MAPK8IP1: variants seen among roughly 807,000 people sequenced by gnomAD.
MAPK8IP1 encodes mitogen-activated protein kinase 8 interacting protein 1.
Under a neutral mutation model 72.6 loss-of-function variants are expected in MAPK8IP1, and 17 were observed. The ratio of observed to expected loss-of-function variants is 0.23; its 90% CI spans 0.16 to 0.35. MAPK8IP1 has a LOEUF of 0.35. MAPK8IP1 is among the 10% of genes least tolerant of loss of function. MAPK8IP1 has a pLI of 1.00. For missense variants in MAPK8IP1, 789 were observed against 1,009.7 expected (o/e 0.78, Z 2.96); for synonymous variants, 401 against 443.4 (o/e 0.90, Z 1.20).
intron 11 of MAPK8IP1, 38 bp downstream of exon 11, chr11:45,905,287 G>C: frequency 6.4e-7 from 1 of 1,572,996 alleles, no homozygotes; most frequent in Non-Finnish European, 8.7e-7. Context: ...GCCCGAGGGA[G>C]CACGCCCAAT....
In MAPK8IP1 at chr11:45,900,168, G is replaced by C; in HGVS notation, c.238G>C (p.Gly80Arg). The C allele has an allele frequency of 7.6e-7, 1 of 1,309,732 alleles. No individual in the cohort carries two copies. Among genetic ancestry groups the C allele is most frequent in the Non-Finnish European group, 9.6e-7 (1 of 1,036,320 alleles). The allele number at this position is 1,309,732 out of a possible 1,614,324, so 81.1% of individuals were successfully genotyped here. A position where few individuals can be genotyped will look rare whatever the true frequency, so the allele number is the denominator to read the frequency against. Reference protein sequence around the residue: ...PPRAGLLSAGGGGAGSRLQAE... With the variant: ...PPRAGLLSAGRGGAGSRLQAE... ...GCGCGCCGGGCTGCTCTCTGCGGGC[G>C]GCGGCGGCGCGGGGAGCCGGTTGCA... The change falls in exon 3 of 12, where the codon GGC becomes CGC. Residue 80 changes from glycine (G) to arginine (R), a missense_variant. Gly to Arg is a moderately radical substitution (Grantham distance 125, BLOSUM62 -2). Coordinates refer to ENST00000241014, the MANE Select transcript of MAPK8IP1 (RefSeq NM_005456.4). The surrounding 1 kb of genome is among the most constrained non-coding windows in gnomAD (Gnocchi z 6.5).
At chr11:45,897,095 G>T (rs2086614206) in intron 1 of MAPK8IP1, 1 of 830,202 alleles carries the variant, frequency 1.2e-6, no homozygotes, top group South Asian at 1.6e-5. Flanking sequence ...TCTCTCCTGG[G>T]TGACCTTGAA....
Position 45,904,329 on chromosome 11 carries a change from C to G in MAPK8IP1, c.1667-126C>G, listed in dbSNP as rs2086684895. 1.7e-6 allele frequency: 2 copies of G among 1,183,910 alleles called. No homozygotes were observed. Among genetic ancestry groups the G allele is most frequent in the Non-Finnish European group, 2.5e-6 (2 of 811,172 alleles). The allele number at this position is 1,183,910 out of a possible 1,614,324, so 73.3% of individuals were successfully genotyped here. ...CAAAGTGAGGCCCGGCCAAGTTGGG[C>G]AGCCAGGGATTGTGGCAGCCTCTGT... On this transcript the variant is annotated intron_variant, in intron 7 of 11. Transcript: ENST00000241014. The surrounding 1 kb of genome is among the most constrained non-coding windows in gnomAD (Gnocchi z 6.4).
chr11:45,903,390 C>T lies in MAPK8IP1; in HGVS notation c.1443C>T (p.Ser481=), dbSNP rs965212258. 4 of 1,613,620 alleles carry T rather than the reference C, an allele frequency of 2.5e-6. No individual in the cohort carries two copies. Among genetic ancestry groups the T allele is most frequent in the Non-Finnish European group, 2.5e-6 (3 of 1,180,028 alleles). The change falls in exon 6 of 12, where the codon TCC becomes TCT. Residue 481 remains serine, a synonymous_variant. Transcript: ENST00000241014. This position sits in a 1 kb window ranked among gnomAD's most constrained non-coding sequence, Gnocchi z 6.4. ...GTGCTGAGTCCTTCGGGCTGTTCTC[C>T]TGCATCATCAACGGGGAGGAGCAGG... ...SSSAESFGLF[S]CIINGEEQEQ... is the part of the protein sequence containing the mutation.
At chr11:45,896,603 G>A in intron 1 of MAPK8IP1, 1 of 1,320,682 alleles carries the variant, frequency 7.6e-7, no homozygotes, top group Non-Finnish European at 9.7e-7. Context: ...AGCAGCGCAA[G>A]GGCCAGGCCA....
Position 45,905,586 on chromosome 11 carries a change from C to G in MAPK8IP1, c.2064-63C>G, listed in dbSNP as rs530702093. 3 of 1,455,552 alleles carry G rather than the reference C, an allele frequency of 2.1e-6. No homozygotes were observed. In the Admixed American group the frequency reaches 5.0e-5, roughly 24 times the overall value. 90.2% of individuals were successfully genotyped at this position (1,455,552 alleles called of 1,614,324 possible). A position where few individuals can be genotyped will look rare whatever the true frequency, so the allele number is the denominator to read the frequency against. On this transcript the variant is annotated intron_variant, in intron 11 of 11. Transcript: ENST00000241014. Reference sequence around the variant, plus strand: ...AGGCTCCAGCGGGAAAACCCTGGGTCGGGATCCTGTTCCTCCCTTGCCAGT... The same window carrying G: ...AGGCTCCAGCGGGAAAACCCTGGGTGGGGATCCTGTTCCTCCCTTGCCAGT...
intron 1 of MAPK8IP1, among the ~76,000 whole-genome samples, chr11:45,888,728 T>C (rs1482628536): frequency 6.6e-6 from 1 of 152,040 alleles, no homozygotes; most frequent in African/African-American, 2.4e-5. Flanking sequence ...AGTCTCACTC[T>C]GTCGCCCAGG....
intron 3 of MAPK8IP1, among the ~76,000 whole-genome samples, chr11:45,901,274 G>C (rs2086651389): frequency 1.3e-5 from 2 of 152,094 alleles, no homozygotes; most frequent in Admixed American, 1.3e-4. Context: ...AGGGAGCCCT[G>C]TGTGGGCATT....
chr11:45,903,274 C>A lies in MAPK8IP1; in HGVS notation c.1417+90C>A. 6.3e-7 allele frequency: 1 copy of A among 1,582,656 alleles called. No homozygotes were observed. Among genetic ancestry groups the A allele is most frequent in the Non-Finnish European group, 8.6e-7 (1 of 1,157,792 alleles). On this transcript the variant is annotated intron_variant, in intron 5 of 11. Transcript: ENST00000241014. This position sits in a 1 kb window ranked among gnomAD's most constrained non-coding sequence, Gnocchi z 6.4. ...AGTGTTCTGGGAGGCGACCCCAGGC[C>A]CCATCTGGTTAGGACTGAGGCTTCT...
chr11:45,904,695 G>T lies in MAPK8IP1; in HGVS notation c.1777-23G>T. On this transcript the variant is annotated intron_variant, in intron 8 of 11. Transcript: ENST00000241014. This position sits in a 1 kb window ranked among gnomAD's most constrained non-coding sequence, Gnocchi z 6.4. Reference sequence around the variant, plus strand: ...AGCAGAGGAACAGACAGCAGCTGACGTGGCTCCATTTGTCACCTGTAGATT... The same window carrying T: ...AGCAGAGGAACAGACAGCAGCTGACTTGGCTCCATTTGTCACCTGTAGATT... 1 of 1,611,146 alleles carries T rather than the reference G, an allele frequency of 6.2e-7. No homozygotes were observed. Among genetic ancestry groups the T allele is most frequent in the South Asian group, 1.1e-5 (1 of 91,042 alleles).
chr11:45,904,320 C>A lies in MAPK8IP1; in HGVS notation c.1667-135C>A. The A allele has an allele frequency of 8.4e-7, 1 of 1,183,604 alleles. No individual in the cohort carries two copies. Among genetic ancestry groups the A allele is most frequent in the Non-Finnish European group, 1.2e-6 (1 of 811,642 alleles). 73.3% of individuals were successfully genotyped at this position (1,183,604 alleles called of 1,614,324 possible). ...ACGATCAAGCAAAGTGAGGCCCGGC[C>A]AAGTTGGGCAGCCAGGGATTGTGGC... On this transcript the variant is annotated intron_variant, in intron 7 of 11. Coordinates refer to ENST00000241014, the MANE Select transcript of MAPK8IP1 (RefSeq NM_005456.4). The surrounding 1 kb of genome is among the most constrained non-coding windows in gnomAD (Gnocchi z 6.4).
In MAPK8IP1 at chr11:45,902,798, G is replaced by A. The variant is rs750430855; in HGVS notation, c.1031G>A (p.Arg344Gln). The change falls in exon 5 of 12, where the codon CGG becomes CAG. Residue 344 changes from arginine (R) to glutamine (Q), a missense_variant. Arg to Gln is a conservative substitution (Grantham distance 43). This residue lies in a region of MAPK8IP1 where 377 missense variants were observed against 411.7 expected (regional missense o/e 0.92). Transcript: ENST00000241014. This position sits in a 1 kb window ranked among gnomAD's most constrained non-coding sequence, Gnocchi z 9.3. ...EGFDCLSSPE[R>Q]AEPPGGGWRG... ...TTCGACTGCCTGTCGTCCCCAGAGC[G>A]GGCTGAGCCCCCAGGCGGAGGGTGG... 2.0e-5 allele frequency: 31 copies of A among 1,589,602 alleles called. No individual in the cohort carries two copies. The highest frequency in any genetic ancestry group is 1.7e-4 in the Middle Eastern group (1 of 6,034).
chr11:45,897,881 C>G (rs925337114), intron 1 of MAPK8IP1, among the ~76,000 whole-genome samples: 3 of 152,148 alleles, frequency 2.0e-5, no homozygotes, highest in Non-Finnish European at 4.4e-5. Flanking sequence ...CACTGCCACC[C>G]TAGGAGGACT....
chr11:45,897,307 C>T (rs1233346909), intron 1 of MAPK8IP1, among the ~76,000 whole-genome samples: 5 of 152,048 alleles, frequency 3.3e-5, no homozygotes, highest in African/African-American at 1.2e-4. Context: ...GGTGGGGACT[C>T]AGGGCTGGCC....
intron 1 of MAPK8IP1, chr11:45,896,492 G>C (rs550286105): frequency 1.1e-5 from 11 of 1,015,976 alleles, no homozygotes; most frequent in East Asian, 7.5e-5. Context: ...GGCCAGGGAG[G>C]GGGGGCCACT....
intron 1 of MAPK8IP1, among the ~76,000 whole-genome samples, chr11:45,893,173 A>G (rs1255847734): frequency 6.6e-6 from 1 of 152,180 alleles, no homozygotes; most frequent in African/African-American, 2.4e-5. Flanking sequence ...GCTCAGCTAA[A>G]GCCTCAGCAC....
chr11:45,894,670 C>T (rs1197072762), intron 1 of MAPK8IP1, among the ~76,000 whole-genome samples: 2 of 152,212 alleles, frequency 1.3e-5, no homozygotes, highest in Non-Finnish European at 2.9e-5. Context: ...CAGAGGCTGT[C>T]CTGTGACAGA....
chr11:45,901,945 A>T, intron 3 of MAPK8IP1, 35 bp from the exon 4 acceptor site: 1 of 1,552,914 alleles, frequency 6.4e-7, no homozygotes, highest in Non-Finnish European at 8.9e-7. Flanking sequence ...ACTGTTGACC[A>T]CTTCCATCAC....
Position 45,904,253 on chromosome 11 carries a change from G to C in MAPK8IP1, c.1666+92G>C. On this transcript the variant is annotated intron_variant, in intron 7 of 11. Coordinates refer to ENST00000241014, the MANE Select transcript of MAPK8IP1 (RefSeq NM_005456.4). This position sits in a 1 kb window ranked among gnomAD's most constrained non-coding sequence, Gnocchi z 6.4. ...GAACGTGTACTCCAGATCTCAGCCA[G>C]CCAGGTGGGGGGCTGAGTGGAAGTG... The C allele has an allele frequency of 4.3e-6, 6 of 1,406,536 alleles. No individual in the cohort carries two copies. The highest frequency in any genetic ancestry group is 5.9e-6 in the Non-Finnish European group (6 of 1,011,860). 87.1% of individuals were successfully genotyped at this position (1,406,536 alleles called of 1,614,324 possible).
Sources: gnomAD v4.1 joint callset for allele counts (sites outside exome capture counted in the v4.1 genomes callset) on GRCh38, gnomAD v4.1.1 for gene constraint, gnomAD v4.1.1 regional missense constraint, Gnocchi (gnomAD v3.1) non-coding constraint, MANE v1.5 for transcripts, NCBI Gene and HGNC (gene_info 2026-07-23, HGNC 2026-07-21) for gene names.